Variants in COP1 observed in about 807,000 individuals in gnomAD.
The protein encoded by COP1 is COP1 E3 ubiquitin ligase.
A neutral mutation model predicts 101.3 loss-of-function variants in COP1; 24 were observed. The observed-to-expected ratio is 0.24, with a 90% CI of 0.17 to 0.33. The LOEUF (loss-of-function observed/expected upper bound fraction) is 0.33, where lower values mean the gene tolerates loss of function less well. Ranked by LOEUF, COP1 falls within the 10% of genes least tolerant of loss-of-function variation. COP1 has a pLI of 1.00. For missense variants in COP1, 663 were observed against 906.2 expected, an observed-to-expected ratio of 0.73 and a Z score of 3.45; for synonymous variants, 347 against 341.9, an observed-to-expected ratio of 1.01 and a Z score of -0.17.
At chr1:176,173,986 C>CAAAAAAAA (rs1212803591) in intron 3 of COP1, among the ~76,000 whole-genome samples, 2,050 of 48,780 alleles carry the variant, frequency 0.042, 322 homozygotes, top group East Asian at 0.073. Flanking sequence ...GATGCTGTCT[C>CAAAAAAAA]AAAAAAAAAA....
intron 18 of COP1, among the ~76,000 whole-genome samples, chr1:175,980,282 A>T (rs879660675): frequency 0.11 from 16,238 of 151,818 alleles, 963 homozygotes; most frequent in Middle Eastern, 0.16. Flanking sequence ...ACACAAATAC[A>T]ATACAAGACA....
intron 1 of COP1, among the ~76,000 whole-genome samples, chr1:176,201,169 T>C (rs1375436373): frequency 6.6e-6 from 1 of 152,102 alleles, no homozygotes; most frequent in East Asian, 1.9e-4. Context: ...AAATATAATT[T>C]AAATATTCTA....
chr1:175,959,539 T>C (rs1316703091), intron 18 of COP1, among the ~76,000 whole-genome samples: 1 of 152,056 alleles, frequency 6.6e-6, no homozygotes, highest in African/African-American at 2.4e-5. Flanking sequence ...GAATTAATTG[T>C]GTGCATAAAA....
At chr1:176,072,180 C>G (rs1288067026) in intron 11 of COP1, among the ~76,000 whole-genome samples, 1 of 152,166 alleles carries the variant, frequency 6.6e-6, no homozygotes, top group African/African-American at 2.4e-5. Flanking sequence ...ATTGGTAATT[C>G]ACAAACTTCT....
chr1:175,988,664 C>T, intron 16 of COP1: 2 of 321,654 alleles, frequency 6.2e-6, no homozygotes, highest in East Asian at 5.2e-5. Context: ...AAAACACCGT[C>T]TCTACTAAAA....
chr1:176,118,736 A>G (rs937363464), intron 8 of COP1, among the ~76,000 whole-genome samples: 1 of 152,204 alleles, frequency 6.6e-6, no homozygotes. Context: ...TGGGCAAGAG[A>G]GAGGCCCTGT....
At chr1:176,131,199 G>A (rs1452104357) in intron 8 of COP1, among the ~76,000 whole-genome samples, 1 of 151,816 alleles carries the variant, frequency 6.6e-6, no homozygotes, top group Non-Finnish European at 1.5e-5. Flanking sequence ...TACATGATAG[G>A]CAGCTACTGA....
chr1:176,206,967 G>A lies in COP1; in HGVS notation c.12C>T (p.Ser4=). ...CAGCGGAGCCCGACCCGGCCTGGCG[G>A]CTACCAGACATCGTGACTCCCTCCC... The part of the protein sequence containing the change: MSG[S]RQAGSGSAGT... Residue 4 remains serine (S), a synonymous_variant, in exon 1 of 20, where the codon AGC becomes AGT. Transcript: ENST00000367669. The A allele has an allele frequency of 7.1e-7, 1 of 1,416,080 alleles. No individual in the cohort carries two copies. Among genetic ancestry groups the A allele is most frequent in the South Asian group, 1.4e-5 (1 of 69,962 alleles). The allele number at this position is 1,416,080 out of a possible 1,614,324, so 87.7% of individuals were successfully genotyped here. A position where few individuals can be genotyped will look rare whatever the true frequency, so the allele number is the denominator to read the frequency against.
chr1:175,996,097 G>T (rs1284883999), intron 15 of COP1, among the ~76,000 whole-genome samples: 1 of 151,596 alleles, frequency 6.6e-6, no homozygotes, highest in Admixed American at 6.6e-5. Context: ...TTCAAAACAG[G>T]CAAATCAATA....
At chr1:176,131,435 T>C (rs1289173161) in intron 8 of COP1, among the ~76,000 whole-genome samples, 4 of 151,740 alleles carry the variant, frequency 2.6e-5, no homozygotes, top group African/African-American at 9.7e-5. Flanking sequence ...TTCTTTTTCA[T>C]TTAAATACAT....
At chr1:176,134,199 T>G (rs549734236) in intron 8 of COP1, among the ~76,000 whole-genome samples, 1 of 152,150 alleles carries the variant, frequency 6.6e-6, no homozygotes, top group South Asian at 2.1e-4. Context: ...GACTTCCTGA[T>G]AGTACACATT....
intron 15 of COP1, among the ~76,000 whole-genome samples, chr1:176,012,212 C>G (rs1664808118): frequency 6.6e-6 from 1 of 152,200 alleles, no homozygotes; most frequent in African/African-American, 2.4e-5. Flanking sequence ...TGGCTCACTG[C>G]AGCCTCGACT....
At chr1:176,123,159 A>T (rs1271309056) in intron 8 of COP1, among the ~76,000 whole-genome samples, 2 of 152,116 alleles carry the variant, frequency 1.3e-5, no homozygotes, top group Non-Finnish European at 2.9e-5. Context: ...ATCAGGGTTT[A>T]AAAAAACAAT....
chr1:175,976,872 G>C (rs905079218), intron 18 of COP1, among the ~76,000 whole-genome samples: 7 of 152,064 alleles, frequency 4.6e-5, no homozygotes. Flanking sequence ...TTTTTTGAAA[G>C]TTGTAACAAG....
intron 14 of COP1, among the ~76,000 whole-genome samples, chr1:176,041,344 T>C (rs1487735327): frequency 1.4e-4 from 1 of 7,166 alleles, no homozygotes; most frequent in Non-Finnish European, 5.6e-4. Flanking sequence ...GGATTTTTTT[T>C]CTTTTTTTCT....
intron 15 of COP1, among the ~76,000 whole-genome samples, chr1:176,009,036 G>A (rs964521532): frequency 2.6e-5 from 4 of 152,206 alleles, no homozygotes; most frequent in Middle Eastern, 3.4e-3. Flanking sequence ...GAAGACTGGG[G>A]CTCTCTGCAG....
At chr1:176,043,134 A>G in intron 14 of COP1, 52 bp downstream of exon 14, 1 of 1,054,338 alleles carries the variant, frequency 9.5e-7, no homozygotes, top group Non-Finnish European at 1.5e-6. Context: ...AAGGAATTAC[A>G]GTTAAGAGGG....
intron 18 of COP1, among the ~76,000 whole-genome samples, chr1:175,950,842 C>T (rs1168337574): frequency 6.6e-6 from 1 of 152,172 alleles, no homozygotes; most frequent in East Asian, 1.9e-4. Flanking sequence ...ACTACACTAA[C>T]TTATACCAAA....
At chr1:176,156,382 TAAA>T (rs921199934) in intron 5 of COP1, among the ~76,000 whole-genome samples, 2 of 151,938 alleles carry the variant, frequency 1.3e-5, no homozygotes, top group African/African-American at 4.8e-5. Context: ...GAAGAAGTGA[TAAA>T]GAACAGGAGG....
Sources: gnomAD v4.1 joint callset for allele counts (sites outside exome capture counted in the v4.1 genomes callset) on GRCh38, gnomAD v4.1.1 for gene constraint, MANE v1.5 for transcripts, NCBI Gene and HGNC (gene_info 2026-07-23, HGNC 2026-07-21) for gene names.